CDK6: variants seen among roughly 807,000 people sequenced by gnomAD.
CDK6 encodes cyclin dependent kinase 6.
A neutral mutation model predicts 37.1 loss-of-function variants in CDK6; 6 were observed. The observed-to-expected ratio is 0.16, with a 90% CI of 0.09 to 0.32. The LOEUF is 0.32. CDK6 is among the 10% of genes least tolerant of loss of function. The pLI is 1.00. For synonymous variants in CDK6, 160 were observed against 161.3 expected (o/e 0.99, Z 0.06); for missense variants, 224 against 418.9 (o/e 0.53, Z 4.06).
At chr7:92,702,278 G>A in intron 4 of CDK6, among the ~76,000 whole-genome samples, 1 of 124,858 alleles carries the variant, frequency 8.0e-6, no homozygotes, top group African/African-American at 3.1e-5. Context: ...TGTCGCCCAG[G>A]CTGGAGTGCA....
intron 4 of CDK6, among the ~76,000 whole-genome samples, chr7:92,674,479 A>C (rs771651946): frequency 1.3e-5 from 2 of 152,268 alleles, no homozygotes; most frequent in Non-Finnish European, 2.9e-5. Flanking sequence ...AATCATTCCT[A>C]GAAAGATAAC....
At chr7:92,670,485 A>G (rs949336481) in intron 5 of CDK6, among the ~76,000 whole-genome samples, 2 of 152,196 alleles carry the variant, frequency 1.3e-5, no homozygotes, top group Non-Finnish European at 2.9e-5. Flanking sequence ...TTCCTAACTT[A>G]CCTTTTCCCA....
At position 92,610,537 on chromosome 7, in the gene CDK6, T is replaced by C; in HGVS notation, c.*4603A>G. On this transcript the variant is annotated 3_prime_UTR_variant, in exon 8 of 8. Coordinates refer to ENST00000424848, the MANE Select transcript of CDK6 (RefSeq NM_001145306.2). The stretch of plus-strand genomic sequence containing the variant: ...CCAAAGGATTATTTTTGGTTTATTT[T>C]CTGAAAAAGTACAAGATAGAAATGC... The C allele has an allele frequency of 4.4e-6, 1 of 229,628 alleles. No individual in the cohort carries two copies. The highest frequency in any genetic ancestry group is 8.6e-6 in the Non-Finnish European group (1 of 115,778). The allele number at this position is 229,628 out of a possible 1,614,324, so 14.2% of individuals were successfully genotyped here.
At chr7:92,832,534 T>C (rs3731262) in intron 2 of CDK6, among the ~76,000 whole-genome samples, 3,647 of 152,338 alleles carry the variant, frequency 0.024, 137 homozygotes, top group South Asian at 0.18. Context: ...GAGTCATTCT[T>C]ACTACGCAAC....
At chr7:92,651,683 G>A (rs1317682747) in intron 5 of CDK6, among the ~76,000 whole-genome samples, 1 of 151,984 alleles carries the variant, frequency 6.6e-6, no homozygotes, top group Non-Finnish European at 1.5e-5. Flanking sequence ...GGGGCTTAAA[G>A]AGAATACAGG....
intron 2 of CDK6, among the ~76,000 whole-genome samples, chr7:92,832,341 A>T (rs916676653): frequency 1.4e-4 from 21 of 152,240 alleles, no homozygotes; most frequent in African/African-American, 4.8e-4. Context: ...GCATGGGCAG[A>T]ACATTTATGA....
intron 6 of CDK6, among the ~76,000 whole-genome samples, chr7:92,619,051 C>G (rs1210554255): frequency 6.6e-6 from 1 of 151,978 alleles, no homozygotes; most frequent in Non-Finnish European, 1.5e-5. Flanking sequence ...TAATGAGGAT[C>G]AGTTATACTT....
intron 2 of CDK6, among the ~76,000 whole-genome samples, chr7:92,799,157 A>C (rs1398226796): frequency 6.6e-6 from 1 of 152,176 alleles, no homozygotes; most frequent in African/African-American, 2.4e-5. Context: ...ACTGAATGAC[A>C]GTCTACACTT....
intron 2 of CDK6, among the ~76,000 whole-genome samples, chr7:92,796,011 T>C (rs1376573867): frequency 6.7e-6 from 1 of 149,096 alleles, no homozygotes; most frequent in Non-Finnish European, 1.5e-5. Context: ...GAAACTAAGA[T>C]GGAAAGTTGT....
intron 2 of CDK6, among the ~76,000 whole-genome samples, chr7:92,803,096 C>A (rs1430063893): frequency 1.3e-5 from 2 of 152,102 alleles, no homozygotes. Flanking sequence ...TGTATAATAA[C>A]TAATATTATA....
intron 4 of CDK6, among the ~76,000 whole-genome samples, chr7:92,718,401 C>G (rs762865785): frequency 2.0e-5 from 3 of 152,154 alleles, no homozygotes; most frequent in Admixed American, 2.0e-4. Context: ...TCTGTGGGAG[C>G]TACTCGGCTG....
chr7:92,801,891 G>A (rs1340537463), intron 2 of CDK6, among the ~76,000 whole-genome samples: 1 of 151,878 alleles, frequency 6.6e-6, no homozygotes, highest in Non-Finnish European at 1.5e-5. Context: ...CAAAAGTGCT[G>A]AGATTACAGG....
chr7:92,737,894 A>G (rs1282580457), intron 3 of CDK6, among the ~76,000 whole-genome samples: 2 of 152,206 alleles, frequency 1.3e-5, no homozygotes, highest in African/African-American at 2.4e-5. Flanking sequence ...TCCTTGAAAA[A>G]GAAAAGAAAC....
In CDK6 at chr7:92,833,430, T is replaced by A; in HGVS notation, c.-107A>T. 1.4e-6 allele frequency: 1 copy of A among 737,220 alleles called. No homozygotes were observed. Among genetic ancestry groups the A allele is most frequent in the Non-Finnish European group, 2.1e-6 (1 of 474,148 alleles). 45.7% of individuals were successfully genotyped at this position (737,220 alleles called of 1,614,324 possible). On this transcript the variant is annotated 5_prime_UTR_variant, in exon 2 of 8. Coordinates refer to ENST00000424848, the MANE Select transcript of CDK6 (RefSeq NM_001145306.2). The surrounding 1 kb of genome is among the most constrained non-coding windows in gnomAD (Gnocchi z 6.1). ...CTCCGGGGCTCCCCGGAGATCGGTC[T>A]AGCTTTACTTGCTCCCCGCCGGCTC...
intron 4 of CDK6, among the ~76,000 whole-genome samples, chr7:92,689,639 G>A (rs536078764): frequency 1.3e-5 from 2 of 152,136 alleles, no homozygotes; most frequent in South Asian, 2.1e-4. Context: ...TATTCCTTTG[G>A]GTATATACCC....
intron 4 of CDK6, among the ~76,000 whole-genome samples, chr7:92,703,858 T>G (rs1483794509): frequency 3.3e-5 from 5 of 152,228 alleles, no homozygotes; most frequent in African/African-American, 1.2e-4. Flanking sequence ...ATGGACCTAT[T>G]ACACTTCAAA....
intron 2 of CDK6, among the ~76,000 whole-genome samples, chr7:92,824,382 A>G (rs1318325298): frequency 6.6e-6 from 1 of 152,112 alleles, no homozygotes; most frequent in Non-Finnish European, 1.5e-5. Context: ...AGAAAGAACA[A>G]GCAAAGAATC....
At chr7:92,810,185 T>C (rs1195347533) in intron 2 of CDK6, among the ~76,000 whole-genome samples, 1 of 152,220 alleles carries the variant, frequency 6.6e-6, no homozygotes, top group African/African-American at 2.4e-5. Context: ...ATTAAGCCAT[T>C]ATACCTCTAG....
In CDK6 at chr7:92,609,889, C is replaced by A. The variant is rs189675043; in HGVS notation, c.*5251G>T. On this transcript the variant is annotated 3_prime_UTR_variant, in exon 8 of 8. Transcript: ENST00000424848. ...TGGGTGTATTATCCATCCTTAAGAA[C>A]AATTTATTTGCAGACAATTGTTCAG... The A allele has an allele frequency of 4.3e-6, 1 of 230,268 alleles. No individual in the cohort carries two copies. Among genetic ancestry groups the A allele is most frequent in the Admixed American group, 5.7e-5 (1 of 17,692 alleles). 14.3% of individuals were successfully genotyped at this position (230,268 alleles called of 1,614,324 possible).
Sources: gnomAD v4.1 joint callset for allele counts (sites outside exome capture counted in the v4.1 genomes callset) on GRCh38, gnomAD v4.1.1 for gene constraint, Gnocchi (gnomAD v3.1) non-coding constraint, MANE v1.5 for transcripts, NCBI Gene and HGNC (gene_info 2026-07-23, HGNC 2026-07-21) for gene names.